LIMA1: variants seen among roughly 807,000 people sequenced by gnomAD.
LIMA1 encodes LIM domain and actin-binding protein 1.
Under a neutral mutation model 62.6 loss-of-function variants are expected in LIMA1, and 52 were observed. That is an observed-to-expected ratio of 0.83 (90% CI 0.67 to 1.05). The LOEUF is 1.05. LIMA1 is among the 50% of genes least tolerant of loss of function. LIMA1 has a pLI of 0.00. For missense variants in LIMA1, 780 were observed against 902.2 expected (o/e 0.86, Z 1.74); for synonymous variants, 302 against 317.8 (o/e 0.95, Z 0.53).
At chr12:50,241,769 G>C (rs942620608) in intron 2 of LIMA1, among the ~76,000 whole-genome samples, 3 of 151,842 alleles carry the variant, frequency 2.0e-5, no homozygotes, top group Non-Finnish European at 4.4e-5. Context: ...CCGTGTTCAG[G>C]CCTCAGACTT....
In LIMA1 at chr12:50,182,074, C is replaced by T. The variant is rs79811610; in HGVS notation, c.1141-37G>A. On this transcript the variant is annotated intron_variant, in intron 9 of 10. Transcript: ENST00000341247. ...AAAAAGACAACTTTAGCATGGGCAG[C>T]GATGAGTTAGCACTGTCTTGAGATG... is the stretch of plus-strand genomic sequence containing the variant. 1.3e-3 allele frequency: 2,017 copies of T among 1,611,256 alleles called. 12 individuals are homozygous for T. In the African/African-American group the frequency reaches 0.024, roughly 19 times the overall value.
intron 3 of LIMA1, among the ~76,000 whole-genome samples, chr12:50,227,023 T>C (rs1941540237): frequency 6.6e-6 from 1 of 151,564 alleles, no homozygotes; most frequent in South Asian, 2.1e-4. Flanking sequence ...ATTCTCTGTA[T>C]ATGATGTTAT....
At chr12:50,212,080 A>G (rs950705534) in intron 4 of LIMA1, among the ~76,000 whole-genome samples, 3 of 152,242 alleles carry the variant, frequency 2.0e-5, no homozygotes, top group African/African-American at 7.2e-5. Context: ...AAGATGTACT[A>G]GTAAGAGGAT....
chr12:50,217,833 C>T (rs1042356288), intron 4 of LIMA1: 2 of 257,260 alleles, frequency 7.8e-6, no homozygotes, highest in South Asian at 4.2e-5. Context: ...GCATCTAGGA[C>T]GCTCACTTCA....
At chr12:50,239,630 ACT>A (rs35576436) in intron 2 of LIMA1, among the ~76,000 whole-genome samples, 48,652 of 151,682 alleles carry the variant, frequency 0.32, 8,057 homozygotes, top group South Asian at 0.48. Context: ...ATAAAGCGAG[ACT>A]CTGTCTCAAA....
At chr12:50,248,833 G>A in intron 1 of LIMA1, 59 bp from the exon 2 acceptor site, 1 of 872,150 alleles carries the variant, frequency 1.1e-6, no homozygotes, top group Non-Finnish European at 1.9e-6. Flanking sequence ...AACATCCAAG[G>A]ATTGGCAGTG....
At chr12:50,221,320 G>A (rs1454653745) in intron 4 of LIMA1, among the ~76,000 whole-genome samples, 1 of 151,902 alleles carries the variant, frequency 6.6e-6, no homozygotes. Flanking sequence ...GTGGCCTCTG[G>A]ATTGTGTTAT....
intron 3 of LIMA1, chr12:50,224,519 C>T (rs574250505): frequency 6.6e-6 from 1 of 152,300 alleles, no homozygotes; most frequent in Non-Finnish European, 1.5e-5. Context: ...TCTCGTGCCA[C>T]ACAATGGATG....
intron 4 of LIMA1, among the ~76,000 whole-genome samples, chr12:50,217,510 G>A (rs1941363740): frequency 1.3e-5 from 2 of 148,660 alleles, no homozygotes; most frequent in Admixed American, 1.3e-4. Flanking sequence ...TTTTTTTTAA[G>A]TACAATTGCA....
At chr12:50,247,115 G>A (rs1201551562) in intron 2 of LIMA1, among the ~76,000 whole-genome samples, 1 of 152,074 alleles carries the variant, frequency 6.6e-6, no homozygotes, top group Admixed American at 6.6e-5. Flanking sequence ...TCCAGCCTGG[G>A]TGACAGAGTG....
At chr12:50,282,031 A>C (rs998046017) in intron 1 of LIMA1, among the ~76,000 whole-genome samples, 2 of 152,228 alleles carry the variant, frequency 1.3e-5, no homozygotes, top group African/African-American at 2.4e-5. Flanking sequence ...GAATGAAATA[A>C]GTTCCTAAAC....
Position 50,178,986 on chromosome 12 carries a change from T to C in LIMA1, c.1275-917A>G, listed in dbSNP as rs559869937. Among the ~76,000 whole-genome samples, 7 of 151,248 alleles carry C rather than the reference T, an allele frequency of 4.6e-5. No individual in the cohort carries two copies. In the South Asian group the frequency reaches 1.5e-3, roughly 31 times the overall value. Reference sequence around the variant, plus strand: ...TATATATTTTTTTTTTCTTTTTCTTTTCTTTTTTTGAGAGAATCTCGCTCT... The same window carrying C: ...TATATATTTTTTTTTTCTTTTTCTTCTCTTTTTTTGAGAGAATCTCGCTCT... On this transcript the variant is annotated intron_variant, in intron 10 of 10. Coordinates refer to ENST00000341247, the MANE Select transcript of LIMA1 (RefSeq NM_016357.5).
At chr12:50,187,815 G>A (rs1191442200) in intron 9 of LIMA1, 1 of 152,196 alleles carries the variant, frequency 6.6e-6, no homozygotes, top group African/African-American at 2.4e-5. Flanking sequence ...TACACAGTGA[G>A]GGCAGACAGT....
chr12:50,177,132 T>A lies in LIMA1; in HGVS notation c.2212A>T (p.Lys738Ter), dbSNP rs1384461239. The A allele has an allele frequency of 6.2e-7, 1 of 1,613,008 alleles. No homozygotes were observed. Among genetic ancestry groups the A allele is most frequent in the South Asian group, 1.1e-5 (1 of 90,686 alleles). ...DVELWEGEVVKELSVEEQIKR... is the reference protein window; with the variant it reads ...DVELWEGEVV The stretch of plus-strand genomic sequence containing the variant: ...ATCTGTTCTTCCACAGAGAGCTCTT[T>A]GACCACTTCTCCCTCCCAGAGTTCC... The change falls in exon 11 of 11, where the codon AAA (lysine) becomes TAA (stop). Residue 738 changes from lysine (K) to a stop codon, truncating the protein, a stop_gained. Coordinates refer to ENST00000341247, the MANE Select transcript of LIMA1 (RefSeq NM_016357.5). LOFTEE classifies it high-confidence loss of function.
rs1941120397 is a variant in LIMA1 at position 50,204,703 on chromosome 12, G to A, written c.716-3C>T. ...AAATGTAGAAGATGACAACTGACCT[G>A]GAAGCATCCAAATAACATGTTTTAT... is the stretch of plus-strand genomic sequence containing the variant. On this transcript the variant is annotated splice_region_variant and splice_polypyrimidine_tract_variant and intron_variant, in intron 5 of 10. Transcript: ENST00000341247. 6 of 1,613,742 alleles carry A rather than the reference G, an allele frequency of 3.7e-6. No individual in the cohort carries two copies. The highest frequency in any genetic ancestry group is 3.3e-5 in the Admixed American group (2 of 59,964).
At chr12:50,216,756 C>T (rs576763757) in intron 4 of LIMA1, among the ~76,000 whole-genome samples, 2 of 151,994 alleles carry the variant, frequency 1.3e-5, no homozygotes, top group Non-Finnish European at 2.9e-5. Flanking sequence ...CCCAGCTACT[C>T]GGGGGCTAAG....
intron 1 of LIMA1, among the ~76,000 whole-genome samples, chr12:50,270,874 C>T (rs926789054): frequency 2.6e-5 from 4 of 151,956 alleles, no homozygotes; most frequent in African/African-American, 7.3e-5. Flanking sequence ...GGGCGGATGA[C>T]GAGGTCAGGA....
At chr12:50,195,606 G>A (rs1940910706) in intron 8 of LIMA1, 1 of 385,798 alleles carries the variant, frequency 2.6e-6, no homozygotes, top group Admixed American at 4.5e-5. Context: ...AATGAGAAAA[G>A]CATTACAAGT....
chr12:50,251,559 T>A lies in LIMA1; in HGVS notation c.-23-2785A>T, dbSNP rs1187573415. On this transcript the variant is annotated intron_variant, in intron 1 of 10. Transcript: ENST00000341247. The stretch of plus-strand genomic sequence containing the variant: ...TCACTTGAACCCTGGAGGCAGAGGA[T>A]GCAGTGAGCTGAGATCATGCCACTG... Among the ~76,000 whole-genome samples, 3 of 144,628 alleles carry A rather than the reference T, an allele frequency of 2.1e-5. No homozygotes were observed. In the Admixed American group the frequency reaches 2.2e-4, roughly 10 times the overall value. The allele number at this position is 144,628 out of a possible 152,430, so 94.9% of individuals were successfully genotyped here. A position where few individuals can be genotyped will look rare whatever the true frequency, so the allele number is the denominator to read the frequency against.
Sources: gnomAD v4.1 joint callset for allele counts (sites outside exome capture counted in the v4.1 genomes callset) on GRCh38, gnomAD v4.1.1 for gene constraint, MANE v1.5 for transcripts, NCBI Gene and HGNC (gene_info 2026-07-23, HGNC 2026-07-21) for gene names.